SIK3: variants seen among roughly 807,000 people sequenced by gnomAD.
SIK3 encodes the protein serine/threonine-protein kinase SIK3.
Under a neutral mutation model 144.2 loss-of-function variants are expected in SIK3, and 28 were observed. The ratio of observed to expected loss-of-function variants is 0.19; its 90% CI spans 0.14 to 0.27. The LOEUF (loss-of-function observed/expected upper bound fraction) is 0.27, where lower values mean the gene tolerates loss of function less well. Among genes scored for constraint, SIK3 ranks in the 10% least tolerant of loss-of-function variants. The pLI, the probability that SIK3 is intolerant of heterozygous loss-of-function variation, is 1.00. For missense variants in SIK3, 1,319 were observed against 1,776.0 expected, an observed-to-expected ratio of 0.74 and a Z score of 4.62; for synonymous variants, 686 against 676.3, an observed-to-expected ratio of 1.01 and a Z score of -0.22.
chr11:116,924,223 G>A (rs1318285720), intron 4 of SIK3, among the ~76,000 whole-genome samples: 3 of 151,812 alleles, frequency 2.0e-5, no homozygotes, highest in Non-Finnish European at 4.4e-5. Context: ...GAACCTGGGG[G>A]AGGCAGAGGT....
At chr11:117,025,211 T>C (rs1951958959) in intron 1 of SIK3, among the ~76,000 whole-genome samples, 1 of 152,058 alleles carries the variant, frequency 6.6e-6, no homozygotes, top group South Asian at 2.1e-4. Context: ...AAAAGAATCC[T>C]AAGACTCTCT....
rs981035254 is a variant in SIK3, at chr11:117,071,237, C to G, written c.273+26906G>C. 1.5e-4 allele frequency among the ~76,000 whole-genome samples: 22 copies of G among 151,360 alleles called. 1 individual carries two copies. Among genetic ancestry groups the G allele is most frequent in the African/African-American group, 5.1e-4 (21 of 41,170 alleles). On this transcript the variant is annotated intron_variant, in intron 1 of 24. Transcript: ENST00000445177. ...GTCTCTGTCCTTAAGGAACTATACT[C>G]TAGCCAGTAAAACAAGATATTTAAA...
intron 1 of SIK3, among the ~76,000 whole-genome samples, chr11:117,073,704 C>T (rs974812902): frequency 6.6e-6 from 1 of 152,142 alleles, no homozygotes; most frequent in African/African-American, 2.4e-5. Context: ...ATAATGAAAG[C>T]ATGAATCAGC....
chr11:116,915,538 C>G (rs528182471), intron 4 of SIK3, among the ~76,000 whole-genome samples: 2 of 151,884 alleles, frequency 1.3e-5, no homozygotes, highest in South Asian at 2.1e-4. Flanking sequence ...AGTCTTTATT[C>G]CCAATAAATC....
chr11:116,872,857 G>C (rs964476364), intron 13 of SIK3, among the ~76,000 whole-genome samples: 15 of 152,078 alleles, frequency 9.9e-5, no homozygotes, highest in Admixed American at 3.3e-4. Context: ...CAATCTTATG[G>C]TACTATGAGA....
At chr11:117,043,313 C>T (rs1447008588) in intron 1 of SIK3, among the ~76,000 whole-genome samples, 1 of 152,102 alleles carries the variant, frequency 6.6e-6, no homozygotes, top group Non-Finnish European at 1.5e-5. Flanking sequence ...TTTTCCATCT[C>T]AACATTAAAA....
At chr11:117,094,917 T>C (rs980620394) in intron 1 of SIK3, among the ~76,000 whole-genome samples, 2 of 152,146 alleles carry the variant, frequency 1.3e-5, no homozygotes, top group Non-Finnish European at 2.9e-5. Flanking sequence ...CTGGTAACTG[T>C]TCTGCAGTGC....
chr11:116,877,302 T>C (rs1428930636), intron 6 of SIK3, among the ~76,000 whole-genome samples: 10 of 152,210 alleles, frequency 6.6e-5, no homozygotes, highest in Admixed American at 6.5e-4. Flanking sequence ...AGAAAAGGTC[T>C]GGGGATAATC....
rs150043713 is a variant in SIK3, at chr11:116,895,243, G to T, written c.865+1010C>A. On this transcript the variant is annotated intron_variant, in intron 6 of 24. Coordinates refer to ENST00000445177, the MANE Select transcript of SIK3 (RefSeq NM_001366686.3). ...CATGCTCCATCCCCGCGGCCTCTGC[G>T]CTGACCCCTCAACAGCCAGGGGGTG... Among the ~76,000 whole-genome samples, 90 of 152,118 alleles carry T rather than the reference G, an allele frequency of 5.9e-4. 5 individuals are homozygous for T. In the East Asian group the frequency reaches 0.015, roughly 26 times the overall value.
At chr11:116,921,139 A>G (rs147802876) in intron 4 of SIK3, among the ~76,000 whole-genome samples, 1 of 152,330 alleles carries the variant, frequency 6.6e-6, no homozygotes, top group Admixed American at 6.5e-5. Flanking sequence ...CTCTTTTCCC[A>G]GCATTGGGGT....
Position 117,082,457 on chromosome 11 carries a change from A to G in SIK3, c.273+15686T>C, listed in dbSNP as rs190555855. 1.3e-3 allele frequency among the ~76,000 whole-genome samples: 197 copies of G among 152,328 alleles called. 1 individual carries two copies. The highest frequency in any genetic ancestry group is 4.2e-3 in the African/African-American group (175 of 41,552). ...ATTATTCAGCCATAAAAAAATAATG[A>G]GATTCCAACATATGTAAGAACATGC... On this transcript the variant is annotated intron_variant, in intron 1 of 24. Coordinates refer to ENST00000445177, the MANE Select transcript of SIK3 (RefSeq NM_001366686.3).
intron 1 of SIK3, among the ~76,000 whole-genome samples, chr11:117,093,349 G>T (rs77366224): frequency 0.063 from 9,547 of 152,188 alleles, 500 homozygotes; most frequent in African/African-American, 0.14. Flanking sequence ...GATGTGTCTG[G>T]CTAGTCAATA....
intron 3 of SIK3, among the ~76,000 whole-genome samples, chr11:116,935,102 A>C (rs887995703): frequency 5.3e-5 from 8 of 150,340 alleles, no homozygotes; most frequent in Admixed American, 2.6e-4. Flanking sequence ...AAACAAACAA[A>C]ATCAGCCAGG....
At chr11:116,954,203 T>A in intron 2 of SIK3, 96 bp from the exon 3 acceptor site, 1 of 903,050 alleles carries the variant, frequency 1.1e-6, no homozygotes, top group Non-Finnish European at 1.8e-6. Flanking sequence ...TTTGAAATAT[T>A]AATAACCACT....
At chr11:117,006,645 A>AAAAG (rs975602289) in intron 1 of SIK3, among the ~76,000 whole-genome samples, 2 of 152,058 alleles carry the variant, frequency 1.3e-5, no homozygotes, top group African/African-American at 4.8e-5. Context: ...GTTTAAAAAA[A>AAAAG]AAAGAAAGAA....
Position 116,858,795 on chromosome 11 carries a change from C to T in SIK3, c.2766-96G>A, listed in dbSNP as rs752947418. On this transcript the variant is annotated intron_variant, in intron 20 of 24. Transcript: ENST00000445177. This position sits in a 1 kb window ranked among gnomAD's most constrained non-coding sequence, Gnocchi z 5.4. ...CCTCAGTAGGGAGAACCCACTGGTA[C>T]AGAGAACTGTGGTGTGACAGAGAAG... 7 of 1,477,964 alleles carry T rather than the reference C, an allele frequency of 4.7e-6. No homozygotes were observed. The highest frequency in any genetic ancestry group is 6.3e-6 in the Non-Finnish European group (7 of 1,108,128). 91.6% of individuals were successfully genotyped at this position (1,477,964 alleles called of 1,614,324 possible). A position where few individuals can be genotyped will look rare whatever the true frequency, so the allele number is the denominator to read the frequency against.
intron 1 of SIK3, among the ~76,000 whole-genome samples, chr11:116,994,795 T>C (rs1950605729): frequency 6.6e-6 from 1 of 152,154 alleles, no homozygotes; most frequent in African/African-American, 2.4e-5. Flanking sequence ...CCACGCTACC[T>C]ATACAATTAT....
rs185955154 is a variant in SIK3, at chr11:117,017,732, G to A, written c.274-60668C>T. Among the ~76,000 whole-genome samples, 864 of 152,174 alleles carry A rather than the reference G, an allele frequency of 5.7e-3. 20 individuals are homozygous for A. Among genetic ancestry groups the A allele is most frequent in the Non-Finnish European group, 2.8e-3 (188 of 67,986 alleles). On this transcript the variant is annotated intron_variant, in intron 1 of 24. Transcript: ENST00000445177. ...ACAAATCCTATAAATGAGAAAGGTC[G>A]TATGGATTTCAATTAGCTACTTGGA...
intron 1 of SIK3, among the ~76,000 whole-genome samples, chr11:117,043,544 T>C (rs77822137): frequency 0.025 from 3,747 of 152,324 alleles, 85 homozygotes; most frequent in South Asian, 0.11. Flanking sequence ...GACATATTCA[T>C]AGGAGTTTCC....
Sources: allele counts gnomAD v4.1 joint callset (sites outside exome capture counted in the v4.1 genomes callset), GRCh38; gene constraint gnomAD v4.1.1; non-coding constraint Gnocchi (gnomAD v3.1); transcripts MANE v1.5; gene names NCBI Gene and HGNC (gene_info 2026-07-23, HGNC 2026-07-21).